Variants in NCOA7 observed in about 807,000 individuals in gnomAD.
NCOA7 encodes 140 kDa estrogen receptor-associated protein.
A neutral mutation model predicts 104.3 loss-of-function variants in NCOA7; 45 were observed. The ratio of observed to expected loss-of-function variants is 0.43; its 90% CI spans 0.34 to 0.55. The LOEUF (loss-of-function observed/expected upper bound fraction) is 0.55, where lower values mean the gene tolerates loss of function less well. Among genes scored for constraint, NCOA7 ranks in the 20% least tolerant of loss-of-function variants. NCOA7 has a pLI of 0.02. For missense variants in NCOA7, 1,041 were observed against 1,119.7 expected (o/e 0.93, Z 1.00); for synonymous variants, 398 against 402.3 (o/e 0.99, Z 0.13).
chr6:125,784,986 AAACACACAC>A, intron 1 of NCOA7, among the ~76,000 whole-genome samples: 1 of 104,882 alleles, frequency 9.5e-6, no homozygotes, highest in Non-Finnish European at 2.1e-5. Flanking sequence ...TGTTGCATAT[AAACACACAC>A]ACACACACAC....
intron 3 of NCOA7, among the ~76,000 whole-genome samples, chr6:125,857,337 A>AAGC (rs1242934729): frequency 6.6e-6 from 1 of 152,062 alleles, no homozygotes; most frequent in Non-Finnish European, 1.5e-5. Context: ...TTCAGGGCTC[A>AAGC]AGCAGTCCTT....
At chr6:125,824,959 C>G (rs1778536084) in intron 2 of NCOA7, among the ~76,000 whole-genome samples, 1 of 151,998 alleles carries the variant, frequency 6.6e-6, no homozygotes, top group African/African-American at 2.4e-5. Context: ...TCGCTTGAAC[C>G]CAGGAGGCGG....
At chr6:125,783,849 T>C (rs935575648) in intron 1 of NCOA7, among the ~76,000 whole-genome samples, 4 of 152,224 alleles carry the variant, frequency 2.6e-5, no homozygotes, top group Admixed American at 6.5e-5. Context: ...TTAATTAATA[T>C]CTTTTAGAGG....
intron 5 of NCOA7, 34 bp from the exon 6 acceptor site, chr6:125,881,056 T>A (rs1283855287): frequency 7.2e-7 from 1 of 1,387,152 alleles, no homozygotes; most frequent in South Asian, 1.2e-5. Flanking sequence ...GCCTGGTTGC[T>A]GGTACTCACC....
At chr6:125,866,677 C>T (rs1031151092) in intron 3 of NCOA7, among the ~76,000 whole-genome samples, 2 of 152,160 alleles carry the variant, frequency 1.3e-5, no homozygotes, top group African/African-American at 4.8e-5. Context: ...CAAAACCTTC[C>T]CTCCAACATT....
intron 1 of NCOA7, among the ~76,000 whole-genome samples, chr6:125,799,193 G>C (rs547368635): frequency 2.6e-5 from 4 of 152,030 alleles, no homozygotes; most frequent in Non-Finnish European, 5.9e-5. Context: ...CACTTCAGTG[G>C]GGTCAGAATC....
chr6:125,818,418 C>G (rs933583069), intron 2 of NCOA7, among the ~76,000 whole-genome samples: 2 of 152,130 alleles, frequency 1.3e-5, no homozygotes, highest in African/African-American at 4.8e-5. Context: ...AAACAAAAAA[C>G]GTATCCTAAA....
intron 1 of NCOA7, among the ~76,000 whole-genome samples, chr6:125,812,567 G>GT (rs1237446960): frequency 6.6e-6 from 1 of 152,142 alleles, no homozygotes; most frequent in Non-Finnish European, 1.5e-5. Flanking sequence ...TCATCATATT[G>GT]TTTTTTCTCC....
intron 11 of NCOA7, among the ~76,000 whole-genome samples, chr6:125,919,687 A>G (rs1787402917): frequency 6.6e-6 from 1 of 151,974 alleles, no homozygotes; most frequent in African/African-American, 2.4e-5. Flanking sequence ...CTGAAAACAG[A>G]GTGTTTTATT....
chr6:125,785,023 C>T (rs557349354), intron 1 of NCOA7, among the ~76,000 whole-genome samples: 1 of 151,724 alleles, frequency 6.6e-6, no homozygotes, highest in South Asian at 2.1e-4. Context: ...CACACACAAA[C>T]ATGCATGAAT....
intron 10 of NCOA7, among the ~76,000 whole-genome samples, chr6:125,909,765 G>T (rs773851868): frequency 9.9e-5 from 15 of 152,096 alleles, no homozygotes; most frequent in Non-Finnish European, 1.6e-4. Flanking sequence ...AGCCGAGATC[G>T]CACCACTCCA....
chr6:125,928,041 C>T, intron 14 of NCOA7, 133 bp from the exon 15 acceptor site: 1 of 858,868 alleles, frequency 1.2e-6, no homozygotes. Context: ...TGGGCCAGGT[C>T]TGGCAGTCAG....
At chr6:125,799,755 A>G (rs967217591) in intron 1 of NCOA7, among the ~76,000 whole-genome samples, 1 of 152,036 alleles carries the variant, frequency 6.6e-6, no homozygotes, top group African/African-American at 2.4e-5. Flanking sequence ...TCTTATAGTA[A>G]GCTTATAGAA....
chr6:125,904,510 G>T (rs544903096), intron 10 of NCOA7, among the ~76,000 whole-genome samples: 1 of 152,226 alleles, frequency 6.6e-6, no homozygotes, highest in Admixed American at 6.5e-5. Flanking sequence ...CCATGTCTTT[G>T]CATGGGTTCC....
At chr6:125,875,047 C>A in intron 4 of NCOA7, 79 bp downstream of exon 4, 1 of 1,082,922 alleles carries the variant, frequency 9.2e-7, no homozygotes. Context: ...ACATCCTGCC[C>A]CTTGGCTGCA....
chr6:125,782,370 A>G (rs1417671311), intron 1 of NCOA7, among the ~76,000 whole-genome samples: 2 of 152,216 alleles, frequency 1.3e-5, no homozygotes, highest in Non-Finnish European at 2.9e-5. Context: ...CATACTAAAC[A>G]CCGTATTATG....
chr6:125,925,880 A>G (rs992418968), intron 13 of NCOA7, among the ~76,000 whole-genome samples: 1 of 152,170 alleles, frequency 6.6e-6, no homozygotes, highest in Non-Finnish European at 1.5e-5. Context: ...GTTTTATACA[A>G]TTTTTTTAAA....
intron 10 of NCOA7, among the ~76,000 whole-genome samples, chr6:125,911,913 G>A (rs1330020875): frequency 6.6e-6 from 1 of 152,092 alleles, no homozygotes; most frequent in South Asian, 2.1e-4. Context: ...TCTCCCCCAC[G>A]TTAGTAAATC....
chr6:125,824,179 G>T lies in NCOA7; in HGVS notation c.50+8775G>T, dbSNP rs531658197. Among the ~76,000 whole-genome samples the T allele has an allele frequency of 6.6e-5, 10 of 152,236 alleles. No homozygotes were observed. The East Asian group carries it at 1.7e-3, about 26-fold the overall frequency. On this transcript the variant is annotated intron_variant, in intron 2 of 15. Coordinates refer to ENST00000392477, the MANE Select transcript of NCOA7 (RefSeq NM_181782.5). Reference sequence around the variant, plus strand: ...AGTAAATATACTTACCCACACTACAGTTTAATGGGTTCCTATAAACTAATT... The same window carrying T: ...AGTAAATATACTTACCCACACTACATTTTAATGGGTTCCTATAAACTAATT...
Sources: gnomAD v4.1 joint callset for allele counts (sites outside exome capture counted in the v4.1 genomes callset) on GRCh38, gnomAD v4.1.1 for gene constraint, MANE v1.5 for transcripts, NCBI Gene and HGNC (gene_info 2026-07-23, HGNC 2026-07-21) for gene names.